Variants in RELCH observed in about 807,000 individuals in gnomAD.
RELCH encodes the protein RAB11-binding protein RELCH.
In RELCH, 41 loss-of-function variants were observed where a neutral mutation model predicts 150.3. The ratio of observed to expected loss-of-function variants is 0.27; its 90% CI spans 0.21 to 0.35. The LOEUF is 0.35. Among genes scored for constraint, RELCH ranks in the 10% least tolerant of loss-of-function variants. RELCH has a pLI of 1.00. For synonymous variants in RELCH, 478 were observed against 531.8 expected (o/e 0.90, Z 1.39); for missense variants, 1,092 against 1,467.8 (o/e 0.74, Z 4.18).
chr18:62,293,915 T>A (rs560986128), intron 27 of RELCH, among the ~76,000 whole-genome samples: 1 of 152,314 alleles, frequency 6.6e-6, no homozygotes, highest in South Asian at 2.1e-4. Flanking sequence ...TATTTATCCC[T>A]AAACAACATA....
At chr18:62,299,695 G>GT (rs200458227) in intron 28 of RELCH, among the ~76,000 whole-genome samples, 6 of 152,012 alleles carry the variant, frequency 3.9e-5, no homozygotes, top group African/African-American at 1.4e-4. Flanking sequence ...ATTATTAGTG[G>GT]TTTTTTATAG....
At chr18:62,257,862 T>A in intron 13 of RELCH, 86 bp from the exon 14 acceptor site, 1 of 1,041,784 alleles carries the variant, frequency 9.6e-7, no homozygotes, top group Non-Finnish European at 1.4e-6. Flanking sequence ...TTAATCTGGA[T>A]TTTGACCACA....
At chr18:62,292,963 AACCCTTT>A (rs1401540958) in intron 27 of RELCH, among the ~76,000 whole-genome samples, 1 of 152,070 alleles carries the variant, frequency 6.6e-6, no homozygotes, top group East Asian at 1.9e-4. Flanking sequence ...TCCTATTAAA[AACCCTTT>A]ACAAGTTTCT....
At chr18:62,298,698 CT>C in intron 27 of RELCH, 91 bp from the exon 28 acceptor site, 1 of 663,306 alleles carries the variant, frequency 1.5e-6, no homozygotes. Flanking sequence ...AACATATTAG[CT>C]TATAGGAATA....
At chr18:62,212,614 C>T (rs2040239145) in intron 2 of RELCH, among the ~76,000 whole-genome samples, 1 of 152,084 alleles carries the variant, frequency 6.6e-6, no homozygotes, top group African/African-American at 2.4e-5. Flanking sequence ...CCATTCTAAA[C>T]ACTGTTCTAA....
In RELCH at chr18:62,188,122, C is replaced by G. The variant is rs1482734550; in HGVS notation, c.526+91C>G. On this transcript the variant is annotated intron_variant, in intron 1 of 28. Transcript: ENST00000644646. Reference sequence around the variant, plus strand: ...AGAGGGGGTATTTCTGCGTGGGTCCCGATAGGGACATTTTAAGGAACGAGA... The same window carrying G: ...AGAGGGGGTATTTCTGCGTGGGTCCGGATAGGGACATTTTAAGGAACGAGA... The G allele has an allele frequency of 6.6e-6, 9 of 1,360,570 alleles. No individual in the cohort carries two copies. The South Asian group carries it at 7.8e-5, about 12-fold the overall frequency. The allele number at this position is 1,360,570 out of a possible 1,614,324, so 84.3% of individuals were successfully genotyped here.
intron 1 of RELCH, among the ~76,000 whole-genome samples, chr18:62,203,865 G>A (rs1457355106): frequency 6.6e-6 from 1 of 152,084 alleles, no homozygotes. Flanking sequence ...TCTAGTCCTA[G>A]CTACTTGGAA....
At chr18:62,271,208 A>G (rs1447686812) in intron 20 of RELCH, among the ~76,000 whole-genome samples, 1 of 152,222 alleles carries the variant, frequency 6.6e-6, no homozygotes, top group Non-Finnish European at 1.5e-5. Flanking sequence ...AGACCCACCA[A>G]CAGTGTAAAA....
chr18:62,257,516 G>A (rs568194615), intron 13 of RELCH, among the ~76,000 whole-genome samples: 1 of 152,108 alleles, frequency 6.6e-6, no homozygotes, highest in African/African-American at 2.4e-5. Flanking sequence ...GCTCTTCTCT[G>A]AGTGAAACAA....
intron 1 of RELCH, among the ~76,000 whole-genome samples, chr18:62,198,227 C>G (rs747003953): frequency 6.6e-6 from 1 of 152,222 alleles, no homozygotes; most frequent in Non-Finnish European, 1.5e-5. Context: ...ATCAACTAAA[C>G]CTCAACTGAC....
chr18:62,245,524 G>A (rs536701740), intron 11 of RELCH, among the ~76,000 whole-genome samples: 2 of 152,210 alleles, frequency 1.3e-5, no homozygotes, highest in East Asian at 1.9e-4. Flanking sequence ...TACTCAGGAG[G>A]CTGAGGCAGG....
At position 62,202,973 on chromosome 18, in the gene RELCH, A is replaced by G. The variant is rs148406646; in HGVS notation, c.527-8180A>G. ...TTTTCCTATGCAGGTTAGAGACTTC[A>G]GAGTAGCTAATAAGGAGCCACGACA... On this transcript the variant is annotated intron_variant, in intron 1 of 28. Coordinates refer to ENST00000644646, the MANE Select transcript of RELCH (RefSeq NM_001346231.2). Among the ~76,000 whole-genome samples, 209 of 152,348 alleles carry G rather than the reference A, an allele frequency of 1.4e-3. 3 individuals carry two copies. The highest frequency in any genetic ancestry group is 1.2e-3 in the Non-Finnish European group (83 of 68,032).
chr18:62,188,117 G>C, intron 1 of RELCH, 86 bp downstream of exon 1: 1 of 1,377,746 alleles, frequency 7.3e-7, no homozygotes. Context: ...TTTCTGCGTG[G>C]GTCCCGATAG....
rs550704502 is a variant in RELCH at position 62,271,309 on chromosome 18, T to C, written c.2760+2361T>C. ...CTAACTGGTGTGAGATGGTATCTCA[T>C]TGTGGTTTTGATTTGCACTTCTCTG... is the stretch of plus-strand genomic sequence containing the variant. On this transcript the variant is annotated intron_variant, in intron 20 of 28. Transcript: ENST00000644646. 1.8e-3 allele frequency among the ~76,000 whole-genome samples: 279 copies of C among 152,346 alleles called. 1 individual carries two copies. Among genetic ancestry groups the C allele is most frequent in the African/African-American group, 6.1e-3 (254 of 41,586 alleles).
intron 19 of RELCH, among the ~76,000 whole-genome samples, chr18:62,267,480 ATATATG>A (rs1370894044): frequency 1.1e-3 from 95 of 88,562 alleles, no homozygotes; most frequent in African/African-American, 4.2e-3. Context: ...TAGTCTAGGT[ATATATG>A]TGTGTGTGTG....
In RELCH at chr18:62,248,182, T is replaced by C. The variant is rs546472093; in HGVS notation, c.1733+3306T>C. Among the ~76,000 whole-genome samples the C allele has an allele frequency of 1.1e-3, 175 of 152,340 alleles. 1 individual carries two copies. The highest frequency in any genetic ancestry group is 3.1e-3 in the Admixed American group (48 of 15,298). The stretch of plus-strand genomic sequence containing the variant: ...CATGTATAAAGCTCCTGTATATACA[T>C]GTTTATAAAAATGCATGTATAAAGT... On this transcript the variant is annotated intron_variant, in intron 11 of 28. Transcript: ENST00000644646.
chr18:62,211,677 T>TA (rs1288487633), intron 2 of RELCH, among the ~76,000 whole-genome samples: 1 of 152,084 alleles, frequency 6.6e-6, no homozygotes, highest in Non-Finnish European at 1.5e-5. Context: ...AGCTATTTGC[T>TA]ATTTGGGAAG....
intron 26 of RELCH, among the ~76,000 whole-genome samples, chr18:62,287,778 A>G (rs962728927): frequency 1.3e-5 from 2 of 152,190 alleles, no homozygotes; most frequent in Non-Finnish European, 2.9e-5. Context: ...AAAGAATTAC[A>G]GCTGAGACTT....
chr18:62,223,134 G>C (rs1451266474), intron 5 of RELCH, among the ~76,000 whole-genome samples: 2 of 151,424 alleles, frequency 1.3e-5, no homozygotes, highest in African/African-American at 4.8e-5. Context: ...AAAGATGATA[G>C]CATAAGTCAA....
Sources: allele counts gnomAD v4.1 joint callset (sites outside exome capture counted in the v4.1 genomes callset), GRCh38; gene constraint gnomAD v4.1.1; transcripts MANE v1.5; gene names NCBI Gene and HGNC (gene_info 2026-07-23, HGNC 2026-07-21).